ELMO1: variants seen among roughly 807,000 people sequenced by gnomAD.
ELMO1 encodes the protein engulfment and cell motility 1.
A neutral mutation model predicts 98.9 loss-of-function variants in ELMO1; 26 were observed. That is an observed-to-expected ratio of 0.26 (90% CI 0.19 to 0.36). The LOEUF is 0.36. ELMO1 is among the 10% of genes least tolerant of loss of function. The pLI is 1.00. For synonymous variants in ELMO1, 346 were observed against 346.0 expected, an observed-to-expected ratio of 1.00 and a Z score of 0.00; for missense variants, 627 against 935.2, an observed-to-expected ratio of 0.67 and a Z score of 4.30.
At chr7:37,117,396 C>T (rs949830391) in intron 14 of ELMO1, among the ~76,000 whole-genome samples, 17 of 152,158 alleles carry the variant, frequency 1.1e-4, no homozygotes, top group African/African-American at 1.9e-4. Flanking sequence ...GAGCACACCA[C>T]GCAGGCACTG....
chr7:37,138,744 A>G (rs976216200), intron 13 of ELMO1, among the ~76,000 whole-genome samples: 4 of 152,210 alleles, frequency 2.6e-5, no homozygotes, highest in African/African-American at 9.7e-5. Flanking sequence ...TCATCTTAAT[A>G]CCAAAAACCA....
chr7:37,297,839 C>T (rs922407266), intron 4 of ELMO1, among the ~76,000 whole-genome samples: 1 of 152,190 alleles, frequency 6.6e-6, no homozygotes, highest in Non-Finnish European at 1.5e-5. Context: ...AGTATACTAA[C>T]TACTGTGTTA....
intron 16 of ELMO1, among the ~76,000 whole-genome samples, chr7:36,990,857 A>G (rs539352512): frequency 2.6e-5 from 4 of 152,316 alleles, no homozygotes; most frequent in South Asian, 2.1e-4. Flanking sequence ...TGGCTGTCCA[A>G]ATTCTCCTTA....
At chr7:36,969,519 A>G (rs1461713023) in intron 16 of ELMO1, among the ~76,000 whole-genome samples, 1 of 152,132 alleles carries the variant, frequency 6.6e-6, no homozygotes, top group Admixed American at 6.5e-5. Context: ...TACAGCCACA[A>G]TTGCTTCCCC....
chr7:36,942,061 A>ACAAATT (rs1372509016), intron 16 of ELMO1, among the ~76,000 whole-genome samples: 124 of 152,362 alleles, frequency 8.1e-4, no homozygotes, highest in African/African-American at 2.8e-3. Context: ...GGTAGAGGTT[A>ACAAATT]ACATTAATTT....
intron 15 of ELMO1, among the ~76,000 whole-genome samples, chr7:37,093,358 T>C (rs567822173): frequency 6.6e-6 from 1 of 152,366 alleles, no homozygotes; most frequent in Non-Finnish European, 1.5e-5. Flanking sequence ...TGGATCTTTC[T>C]ACTTTTGTAA....
At chr7:37,350,254 G>A (rs2131293070) in intron 1 of ELMO1, among the ~76,000 whole-genome samples, 1 of 152,316 alleles carries the variant, frequency 6.6e-6, no homozygotes, top group Middle Eastern at 3.4e-3. Flanking sequence ...CAGTGTGGAG[G>A]CTCAGTATTT....
intron 15 of ELMO1, among the ~76,000 whole-genome samples, chr7:37,037,500 G>T (rs1441851523): frequency 6.6e-6 from 1 of 152,188 alleles, no homozygotes; most frequent in Non-Finnish European, 1.5e-5. Flanking sequence ...CTGTGGTGAG[G>T]ACTTAGGAAG....
Position 37,061,778 on chromosome 7 carries a change from T to C in ELMO1, c.1300+34841A>G, listed in dbSNP as rs181097113. Among the ~76,000 whole-genome samples the C allele has an allele frequency of 6.6e-5, 10 of 152,310 alleles. No homozygotes were observed. In the East Asian group the frequency reaches 1.9e-3, roughly 29 times the overall value. On this transcript the variant is annotated intron_variant, in intron 15 of 21. Transcript: ENST00000310758. ...AAATAAATACACCGAATGGCATCAA[T>C]ACTCATGGGGTTTTCTCTATGACTC...
intron 4 of ELMO1, among the ~76,000 whole-genome samples, chr7:37,277,663 A>C (rs1796916423): frequency 6.6e-6 from 1 of 152,168 alleles, no homozygotes; most frequent in African/African-American, 2.4e-5. Context: ...TCTCCTAAGG[A>C]GAAATGCAAG....
intron 13 of ELMO1, among the ~76,000 whole-genome samples, chr7:37,208,880 T>C (rs559012743): frequency 2.0e-5 from 3 of 152,160 alleles, no homozygotes; most frequent in African/African-American, 4.8e-5. Context: ...AAAAGAACCA[T>C]GGAAAAATAA....
chr7:37,189,444 G>A (rs955241190), intron 13 of ELMO1, among the ~76,000 whole-genome samples: 4 of 152,294 alleles, frequency 2.6e-5, no homozygotes, highest in Non-Finnish European at 4.4e-5. Flanking sequence ...TGAAGCTAAT[G>A]AAAAATGAGT....
chr7:36,993,651 T>C (rs1382088424), intron 16 of ELMO1, among the ~76,000 whole-genome samples: 2 of 152,218 alleles, frequency 1.3e-5, no homozygotes, highest in Non-Finnish European at 2.9e-5. Context: ...GAAAAAAATA[T>C]AATTTTATTT....
rs754220393 is a variant in ELMO1 at position 36,894,996 on chromosome 7, G to T, written c.1459C>A (p.Gln487Lys). The T allele has an allele frequency of 2.5e-6, 4 of 1,613,538 alleles. No individual in the cohort carries two copies. The highest frequency in any genetic ancestry group is 3.4e-6 in the Non-Finnish European group (4 of 1,179,934). The part of the protein sequence containing the change: ...FNKVMQVVKE[Q>K]VMRALTTKPS... Reference sequence around the variant, plus strand: ...TTGGTTGTAAGTGCTCTCATAACCTGCTCCTTCACCACCTGCATTACCTGA... The same window carrying T: ...TTGGTTGTAAGTGCTCTCATAACCTTCTCCTTCACCACCTGCATTACCTGA... Residue 487 changes from glutamine to lysine, a missense_variant, in exon 17 of 22, where the codon CAG (glutamine) becomes AAG (lysine). Gln to Lys is a moderately conservative substitution (Grantham distance 53). Coordinates refer to ENST00000310758, the MANE Select transcript of ELMO1 (RefSeq NM_014800.11).
intron 13 of ELMO1, among the ~76,000 whole-genome samples, chr7:37,157,244 G>A (rs372693087): frequency 1.3e-5 from 2 of 152,258 alleles, no homozygotes; most frequent in Non-Finnish European, 2.9e-5. Context: ...CATTCCCTTT[G>A]AAAACTGGCA....
intron 1 of ELMO1, among the ~76,000 whole-genome samples, chr7:37,401,302 C>T (rs1366474786): frequency 6.6e-6 from 1 of 152,190 alleles, no homozygotes; most frequent in African/African-American, 2.4e-5. Context: ...GGACCTACCA[C>T]CCCAAAACAT....
At chr7:37,105,559 A>T (rs371557644) in intron 14 of ELMO1, among the ~76,000 whole-genome samples, 1 of 152,322 alleles carries the variant, frequency 6.6e-6, no homozygotes, top group African/African-American at 2.4e-5. Flanking sequence ...CCCCAGAATT[A>T]TGATCAGACA....
Position 36,854,993 on chromosome 7 carries a change from G to A in ELMO1, c.*558C>T, listed in dbSNP as rs990865031. The stretch of plus-strand genomic sequence containing the variant: ...CTGCTCTTGGGACCAAAGAGGAACA[G>A]AGCAAGGCAAAAGCAGGGAGAGAGG... On this transcript the variant is annotated 3_prime_UTR_variant, in exon 22 of 22. Coordinates refer to ENST00000310758, the MANE Select transcript of ELMO1 (RefSeq NM_014800.11). 3 of 166,802 alleles carry A rather than the reference G, an allele frequency of 1.8e-5. No individual in the cohort carries two copies. The highest frequency in any genetic ancestry group is 4.0e-5 in the Non-Finnish European group (3 of 75,882). 10.3% of individuals were successfully genotyped at this position (166,802 alleles called of 1,614,324 possible). A position where few individuals can be genotyped will look rare whatever the true frequency, so the allele number is the denominator to read the frequency against.
chr7:37,403,526 G>A (rs921853098), intron 1 of ELMO1, among the ~76,000 whole-genome samples: 4 of 151,828 alleles, frequency 2.6e-5, no homozygotes, highest in African/African-American at 9.7e-5. Flanking sequence ...TACATGACAC[G>A]GTGCAACTGT....
Sources: gnomAD v4.1 joint callset for allele counts (sites outside exome capture counted in the v4.1 genomes callset) on GRCh38, gnomAD v4.1.1 for gene constraint, MANE v1.5 for transcripts, NCBI Gene and HGNC (gene_info 2026-07-23, HGNC 2026-07-21) for gene names.